HIVEP3: variants seen among roughly 807,000 people sequenced by gnomAD.
The protein encoded by HIVEP3 is HIVEP zinc finger 3.
A neutral mutation model predicts 152.8 loss-of-function variants in HIVEP3; 49 were observed. The ratio of observed to expected loss-of-function variants is 0.32; its 90% CI spans 0.26 to 0.41. The LOEUF is 0.41. HIVEP3 is among the 10% of genes least tolerant of loss of function. The pLI is 1.00. For synonymous variants in HIVEP3, 1,269 were observed against 1,289.0 expected (o/e 0.98, Z 0.33); for missense variants, 2,790 against 3,103.3 (o/e 0.90, Z 2.40).
chr1:41,594,522 G>T (rs556676536), intron 3 of HIVEP3, among the ~76,000 whole-genome samples: 3 of 152,136 alleles, frequency 2.0e-5, no homozygotes, highest in Non-Finnish European at 4.4e-5. Flanking sequence ...CCGCCTGGCC[G>T]ATATCTTATG....
chr1:41,729,808 G>C (rs1646811833), intron 1 of HIVEP3, among the ~76,000 whole-genome samples: 1 of 152,146 alleles, frequency 6.6e-6, no homozygotes, highest in African/African-American at 2.4e-5. Flanking sequence ...TGTGTTGAAA[G>C]GTGCGAGGTG....
intron 5 of HIVEP3, among the ~76,000 whole-genome samples, chr1:41,545,440 CCTCTACCACCATTGCTACCAT>C (rs1643747161): frequency 7.3e-6 from 1 of 136,684 alleles, no homozygotes; most frequent in African/African-American, 2.9e-5. Context: ...ACCACCACCA[CCTCTACCACCATTGCTACCAT>C]CACCACCACC....
chr1:41,617,637 T>G (rs768367953), intron 3 of HIVEP3, among the ~76,000 whole-genome samples: 1 of 152,230 alleles, frequency 6.6e-6, no homozygotes, highest in Non-Finnish European at 1.5e-5. Flanking sequence ...ACATTGACAG[T>G]GCACAGGAGA....
intron 5 of HIVEP3, among the ~76,000 whole-genome samples, chr1:41,529,786 ACT>A (rs1461168370): frequency 2.2e-5 from 3 of 136,638 alleles, no homozygotes. Flanking sequence ...ATCCCCACAC[ACT>A]CATACATACA....
intron 1 of HIVEP3, among the ~76,000 whole-genome samples, chr1:41,720,120 C>G (rs538111917): frequency 1.9e-4 from 29 of 152,280 alleles, no homozygotes; most frequent in Admixed American, 1.8e-3. Flanking sequence ...CCTACGTCTC[C>G]CCTCAAACAT....
intron 3 of HIVEP3, among the ~76,000 whole-genome samples, chr1:41,613,833 T>C (rs532170730): frequency 1.3e-5 from 2 of 152,222 alleles, no homozygotes; most frequent in Non-Finnish European, 2.9e-5. Flanking sequence ...CTCCAGCCCC[T>C]GGCAGCCACT....
chr1:41,701,519 T>C (rs1374513642), intron 1 of HIVEP3, among the ~76,000 whole-genome samples: 1 of 152,132 alleles, frequency 6.6e-6, no homozygotes, highest in Non-Finnish European at 1.5e-5. Context: ...GGCTGGTGGG[T>C]TGCCTCCCTT....
In HIVEP3 at chr1:41,748,097, T is replaced by G. The variant is rs576138692; in HGVS notation, c.-800-47102A>C. ...TATATGTCTTTCAGTCTTGAGTGCCTGGTGTGGACTAAGCACCTAATAAAT... is the reference window on the plus strand; with the variant it reads ...TATATGTCTTTCAGTCTTGAGTGCCGGGTGTGGACTAAGCACCTAATAAAT... On this transcript the variant is annotated intron_variant, in intron 1 of 8. Transcript: ENST00000372583. Among the ~76,000 whole-genome samples, 3 of 152,328 alleles carry G rather than the reference T, an allele frequency of 2.0e-5. No homozygotes were observed. In the East Asian group the frequency reaches 5.8e-4, roughly 29 times the overall value.
rs754347319 is a variant in HIVEP3 at position 41,513,454 on chromosome 1, G to A, written c.5767C>T (p.Arg1923Cys). The stretch of plus-strand genomic sequence containing the variant: ...ATGGAGCAGCTGCTGGCTGTCAGGC[G>A]CTCAGCTTCCGAGACCGAGCTGCCT... ...TRGSSVSEAERLTASSCSMSS... is the reference protein window; with the variant it reads ...TRGSSVSEAECLTASSCSMSS... The change falls in exon 8 of 9, where the codon CGC becomes TGC. Residue 1923 changes from arginine to cysteine, a missense_variant. By Grantham distance (180) the Arg-to-Cys change is radical. Around this residue, in one of 9 missense-constraint regions of HIVEP3, gnomAD observed 816 missense variants for 806.5 expected, o/e 1.01. Transcript: ENST00000372583. 9 of 1,611,570 alleles carry A rather than the reference G, an allele frequency of 5.6e-6. No individual in the cohort carries two copies. The highest frequency in any genetic ancestry group is 1.1e-5 in the South Asian group (1 of 91,026).
chr1:41,653,257 T>C (rs1186107565), intron 2 of HIVEP3, among the ~76,000 whole-genome samples: 1 of 146,832 alleles, frequency 6.8e-6, no homozygotes, highest in African/African-American at 2.4e-5. Flanking sequence ...ATATATAACA[T>C]ATATATATAT....
intron 1 of HIVEP3, among the ~76,000 whole-genome samples, chr1:41,712,290 G>C: frequency 6.6e-6 from 1 of 152,338 alleles, no homozygotes; most frequent in East Asian, 1.9e-4. Flanking sequence ...CGCCCTAGTC[G>C]CATGCACCAT....
chr1:41,685,587 C>T (rs1282449466), intron 2 of HIVEP3, among the ~76,000 whole-genome samples: 7 of 152,332 alleles, frequency 4.6e-5, no homozygotes, highest in South Asian at 4.1e-4. Flanking sequence ...CAACTCCCCA[C>T]GGGAAGAGAT....
intron 2 of HIVEP3, among the ~76,000 whole-genome samples, chr1:41,688,229 C>T (rs1646142355): frequency 6.6e-6 from 1 of 152,202 alleles, no homozygotes; most frequent in South Asian, 2.1e-4. Context: ...CCTCTGACCC[C>T]TTCTGTTGCT....
intron 4 of HIVEP3, among the ~76,000 whole-genome samples, chr1:41,576,298 G>C (rs576123299): frequency 6.6e-6 from 1 of 152,324 alleles, no homozygotes; most frequent in African/African-American, 2.4e-5. Flanking sequence ...TTCCACCATA[G>C]AGACAGGCAC....
chr1:41,934,843 T>C (rs1645012387), intron 1 of HIVEP3, among the ~76,000 whole-genome samples: 1 of 152,166 alleles, frequency 6.6e-6, no homozygotes, highest in Non-Finnish European at 1.5e-5. Flanking sequence ...TGAAAGCATC[T>C]ACCAGCCTGC....
chr1:41,956,621 C>G (rs1645141906), intron 1 of HIVEP3, among the ~76,000 whole-genome samples: 1 of 152,164 alleles, frequency 6.6e-6, no homozygotes, highest in African/African-American at 2.4e-5. Context: ...TGAAGAGGGC[C>G]AAGATTACCC....
chr1:41,695,224 G>A (rs944263479), intron 2 of HIVEP3, among the ~76,000 whole-genome samples: 1 of 152,192 alleles, frequency 6.6e-6, no homozygotes, highest in Admixed American at 6.5e-5. Context: ...GAGGCGGGGT[G>A]TTGGTCTCCA....
chr1:41,787,030 G>T lies in HIVEP3; in HGVS notation c.-800-86035C>A, dbSNP rs151001790. Among the ~76,000 whole-genome samples the T allele has an allele frequency of 8.1e-3, 1,239 of 152,050 alleles. 14 individuals are homozygous for T. Among genetic ancestry groups the T allele is most frequent in the African/African-American group, 0.028 (1,173 of 41,458 alleles). ...GCCTTCCAAAGTGCTGGGATGACAGGGGTGAGCTACCACACCCGGCCTACA... is the reference window on the plus strand; with the variant it reads ...GCCTTCCAAAGTGCTGGGATGACAGTGGTGAGCTACCACACCCGGCCTACA... On this transcript the variant is annotated intron_variant, in intron 1 of 8. Transcript: ENST00000372583.
intron 5 of HIVEP3, among the ~76,000 whole-genome samples, chr1:41,529,278 A>AC (rs1262038866): frequency 5.3e-5 from 4 of 75,616 alleles, no homozygotes; most frequent in Non-Finnish European, 1.0e-4. Flanking sequence ...ACATGCTCAC[A>AC]CCCCCCACTG....
Sources: gnomAD v4.1 joint callset for allele counts (sites outside exome capture counted in the v4.1 genomes callset) on GRCh38, gnomAD v4.1.1 for gene constraint, gnomAD v4.1.1 regional missense constraint, MANE v1.5 for transcripts, NCBI Gene and HGNC (gene_info 2026-07-23, HGNC 2026-07-21) for gene names.